The following IMPG2 variants were observed in gnomAD, a reference collection of about 807,000 sequenced individuals.
The protein encoded by IMPG2 is IPM 200.
A neutral mutation model predicts 129.2 loss-of-function variants in IMPG2; 91 were observed. The observed-to-expected ratio is 0.70, with a 90% CI of 0.59 to 0.84. The LOEUF (loss-of-function observed/expected upper bound fraction) is 0.84, where lower values mean the gene tolerates loss of function less well. IMPG2 is among the 40% of genes least tolerant of loss of function. The pLI is 0.00. For synonymous variants in IMPG2, 510 were observed against 517.7 expected, an observed-to-expected ratio of 0.99 and a Z score of 0.20; for missense variants, 1,430 against 1,461.7, an observed-to-expected ratio of 0.98 and a Z score of 0.35.
intron 14 of IMPG2, among the ~76,000 whole-genome samples, chr3:101,235,592 C>T (rs1706336943): frequency 6.6e-6 from 1 of 152,036 alleles, no homozygotes; most frequent in Non-Finnish European, 1.5e-5. Flanking sequence ...AAGACAAAGC[C>T]TAATATTTTA....
intron 4 of IMPG2, among the ~76,000 whole-genome samples, chr3:101,283,869 A>G (rs1039139494): frequency 6.7e-6 from 1 of 148,298 alleles, no homozygotes; most frequent in African/African-American, 2.5e-5. Flanking sequence ...CCCTTAGCTG[A>G]CGAATATATA....
At chr3:101,294,161 G>A (rs1380393305) in intron 3 of IMPG2, among the ~76,000 whole-genome samples, 1 of 152,120 alleles carries the variant, frequency 6.6e-6, no homozygotes. Context: ...TGCCATGGTG[G>A]TTTGCTGCAC....
intron 4 of IMPG2, among the ~76,000 whole-genome samples, chr3:101,279,178 A>T (rs1331359818): frequency 6.6e-6 from 1 of 152,200 alleles, no homozygotes; most frequent in Non-Finnish European, 1.5e-5. Context: ...AATAATTACA[A>T]CTAACTTTAC....
Position 101,269,530 on chromosome 3 carries a change from CG to C in IMPG2, c.871del (p.Arg291ValfsTer15). The C allele has an allele frequency of 6.3e-7, 1 of 1,588,384 alleles. No homozygotes were observed. Among genetic ancestry groups the C allele is most frequent in the Non-Finnish European group, 8.6e-7 (1 of 1,156,880 alleles). On this transcript the variant is annotated frameshift_variant, in exon 8 of 19. Transcript: ENST00000193391. LOFTEE classifies it high-confidence loss of function. ...FTGLPGYKEI[R>X]VLEFRSPKEN... ...GTCTATTTACCTAAATTCAAGTACA[CG>C]AATTTCCTTGTAGCCTGGTAACCCA...
At position 101,269,926 on chromosome 3, in the gene IMPG2, C is replaced by CTTTTTTTTTTTTTTTTTTTT. The variant is rs5851267; in HGVS notation, c.829-373_829-354dup. 6.5e-5 allele frequency among the ~76,000 whole-genome samples: 7 copies of CTTTTTTTTTTTTTTTTTTTT among 106,952 alleles called. 1 individual carries two copies. Among genetic ancestry groups the CTTTTTTTTTTTTTTTTTTTT allele is most frequent in the Non-Finnish European group, 1.2e-4 (6 of 52,132 alleles). 70.2% of individuals were successfully genotyped at this position (106,952 alleles called of 152,430 possible). ...TAATAGCATTTTATTTTATTTTATTCTTTTTTTTTTTTTTTTTTTTTTGAG... is the reference window on the plus strand; with the variant it reads ...TAATAGCATTTTATTTTATTTTATTCTTTTTTTTTTTTTTTTTTTTTTTTTTTTTTTTTTTTTTTTTTGAG... On this transcript the variant is annotated intron_variant, in intron 7 of 18. Coordinates refer to ENST00000193391, the MANE Select transcript of IMPG2 (RefSeq NM_016247.4).
chr3:101,253,569 G>C (rs376522855), intron 11 of IMPG2, 127 bp downstream of exon 11: 1 of 733,568 alleles, frequency 1.4e-6, no homozygotes. Flanking sequence ...TAATGGTCTA[G>C]GGATGATGCA....
At position 101,320,398 on chromosome 3, in the gene IMPG2, A is replaced by G; in HGVS notation, c.-26T>C. The G allele has an allele frequency of 7.0e-7, 1 of 1,423,898 alleles. No individual in the cohort carries two copies. Among genetic ancestry groups the G allele is most frequent in the Non-Finnish European group, 9.9e-7 (1 of 1,008,688 alleles). The allele number at this position is 1,423,898 out of a possible 1,614,324, so 88.2% of individuals were successfully genotyped here. A position where few individuals can be genotyped will look rare whatever the true frequency, so the allele number is the denominator to read the frequency against. On this transcript the variant is annotated 5_prime_UTR_variant, in exon 1 of 19. Transcript: ENST00000193391. ...TTGGGCCAAAACCAAAGGAATGAGG[A>G]GAGGACAGAATCCTTAATTGAGTGT...
At chr3:101,267,625 T>C (rs1392728168) in intron 8 of IMPG2, 94 bp from the exon 9 acceptor site, 12 of 1,023,062 alleles carry the variant, frequency 1.2e-5, no homozygotes, top group Non-Finnish European at 1.8e-5. Flanking sequence ...GTATTTCCTC[T>C]GAATTTCTTT....
At chr3:101,297,310 C>T (rs1319607602) in intron 3 of IMPG2, among the ~76,000 whole-genome samples, 1 of 151,982 alleles carries the variant, frequency 6.6e-6, no homozygotes, top group African/African-American at 2.4e-5. Context: ...GGATAGCTAG[C>T]AGTCAATCTA....
chr3:101,272,591 C>T (rs545750448), intron 7 of IMPG2, among the ~76,000 whole-genome samples: 1 of 152,188 alleles, frequency 6.6e-6, no homozygotes, highest in African/African-American at 2.4e-5. Flanking sequence ...AACCAGACAG[C>T]CAGCCCAAGA....
At position 101,243,748 on chromosome 3, in the gene IMPG2, C is replaced by T. The variant is rs745597368; in HGVS notation, c.2583G>A (p.Lys861=). 8 of 1,613,764 alleles carry T rather than the reference C, an allele frequency of 5.0e-6. No individual in the cohort carries two copies. The South Asian group carries it at 8.8e-5, about 18-fold the overall frequency. The part of the protein sequence containing the change: ...QPEQVQEQNG[K]VGSYVEMSTS... ...TTGACATTTCCACATAACTACCAAC[C>T]TTGCCATTTTGCTCTTGGACTTGCT... is the stretch of plus-strand genomic sequence containing the variant. Residue 861 remains lysine, a synonymous_variant, in exon 13 of 19, where the codon AAG becomes AAA. Transcript: ENST00000193391.
At position 101,317,074 on chromosome 3, in the gene IMPG2, T is replaced by TA. The variant is rs1303180453; in HGVS notation, c.334+2509dup. Among the ~76,000 whole-genome samples the TA allele has an allele frequency of 2.6e-5, 4 of 151,886 alleles. No individual in the cohort carries two copies. The East Asian group carries it at 7.7e-4, about 29-fold the overall frequency. ...ATTCATGGTTGCCTCAGTATTGGGGTAAGGAGAGGTAGTGAGGGAGGTGGG... is the reference window on the plus strand; with the variant it reads ...ATTCATGGTTGCCTCAGTATTGGGGTAAAGGAGAGGTAGTGAGGGAGGTGGG... On this transcript the variant is annotated intron_variant, in intron 2 of 18. Coordinates refer to ENST00000193391, the MANE Select transcript of IMPG2 (RefSeq NM_016247.4).
At position 101,273,611 on chromosome 3, in the gene IMPG2, G is replaced by A. The variant is rs555900224; in HGVS notation, c.798C>T (p.His266=). 1.2e-6 allele frequency: 2 copies of A among 1,614,014 alleles called. No homozygotes were observed. Among genetic ancestry groups the A allele is most frequent in the Non-Finnish European group, 1.7e-6 (2 of 1,179,984 alleles). ...EELQDSSSFH[H]QHLEEEFISE... is the part of the protein sequence containing the mutation. ...AAATAAATTCTTCTTCAAGGTGCTGGTGGTGAAAGCTGGAGGAATCCTGTA... is the reference window on the plus strand; with the variant it reads ...AAATAAATTCTTCTTCAAGGTGCTGATGGTGAAAGCTGGAGGAATCCTGTA... The change falls in exon 7 of 19, where the codon CAC becomes CAT. Residue 266 remains histidine, a synonymous_variant. Transcript: ENST00000193391.
intron 2 of IMPG2, among the ~76,000 whole-genome samples, chr3:101,311,123 TA>T (rs1456112664): frequency 1.3e-5 from 2 of 150,438 alleles, no homozygotes; most frequent in Non-Finnish European, 2.9e-5. Context: ...GAAATGGTCC[TA>T]GGGGCACATG....
chr3:101,302,568 T>C (rs967902827), intron 3 of IMPG2, among the ~76,000 whole-genome samples: 10 of 152,318 alleles, frequency 6.6e-5, no homozygotes, highest in Middle Eastern at 6.8e-3. Context: ...TTTTATGTTA[T>C]AGAATAAAGA....
At position 101,273,651 on chromosome 3, in the gene IMPG2, T is replaced by C; in HGVS notation, c.758A>G (p.Gln253Arg). 1 of 1,614,186 alleles carries C rather than the reference T, an allele frequency of 6.2e-7. No homozygotes were observed. The highest frequency in any genetic ancestry group is 8.5e-7 in the Non-Finnish European group (1 of 1,180,000). ...AEFSIHLLGKQYREELQDSSS... is the reference protein window; with the variant it reads ...AEFSIHLLGKRYREELQDSSS... ...GGAATCCTGTAGTTCTTCCCTGTAC[T>C]GCTTCCCCAAAAGGTGGATACTGAA... Residue 253 changes from glutamine to arginine, a missense_variant, in exon 7 of 19, where the codon CAG (glutamine) becomes CGG (arginine). Coordinates refer to ENST00000193391, the MANE Select transcript of IMPG2 (RefSeq NM_016247.4).
intron 7 of IMPG2, among the ~76,000 whole-genome samples, chr3:101,270,170 CAGGTGA>C (rs984567807): frequency 5.9e-5 from 9 of 152,114 alleles, no homozygotes; most frequent in Middle Eastern, 3.4e-3. Flanking sequence ...TTCCTGACCT[CAGGTGA>C]TCCACCTGCC....
intron 9 of IMPG2, among the ~76,000 whole-genome samples, chr3:101,260,758 C>G (rs1407063656): frequency 6.6e-6 from 1 of 152,182 alleles, no homozygotes; most frequent in Non-Finnish European, 1.5e-5. Context: ...AGGGAAACTT[C>G]TTTTTAACAT....
intron 7 of IMPG2, among the ~76,000 whole-genome samples, chr3:101,273,219 C>T (rs1479053896): frequency 6.6e-6 from 1 of 152,134 alleles, no homozygotes; most frequent in Non-Finnish European, 1.5e-5. Flanking sequence ...AATTAAAAGA[C>T]ATTAAATGTA....
Sources: allele counts gnomAD v4.1 joint callset (sites outside exome capture counted in the v4.1 genomes callset), GRCh38; gene constraint gnomAD v4.1.1; transcripts MANE v1.5; gene names NCBI Gene and HGNC (gene_info 2026-07-23, HGNC 2026-07-21).